ZNG1C: variants seen among roughly 807,000 people sequenced by gnomAD.
The protein encoded by ZNG1C is zinc-regulated GTPase metalloprotein activator 1C.
the ZNG1C span, among the ~76,000 whole-genome samples, chr9:68,296,649 G>C: frequency 5.9e-5 from 9 of 152,118 alleles, no homozygotes; most frequent in Admixed American, 5.9e-4. Flanking sequence ...ATGTGCTTTA[G>C]TATATTATTT....
At chr9:68,287,665 A>G in the ZNG1C span, among the ~76,000 whole-genome samples, 2 of 152,298 alleles carry the variant, frequency 1.3e-5, no homozygotes, top group Admixed American at 6.5e-5. Flanking sequence ...AATTCCAGAC[A>G]TTATGTCACT....
the ZNG1C span, among the ~76,000 whole-genome samples, chr9:68,285,011 T>G: frequency 4.6e-5 from 7 of 150,876 alleles, no homozygotes; most frequent in Non-Finnish European, 8.9e-5. Flanking sequence ...TTTTCTAAAG[T>G]AATCTCATTC....
At chr9:68,270,611 C>T in the ZNG1C span, 3 of 985,128 alleles carry the variant, frequency 3.0e-6, no homozygotes, top group African/African-American at 1.8e-5. Context: ...GGGCTGGGCA[C>T]GGTGGCTCAC....
the ZNG1C span, chr9:68,249,176 A>G: frequency 2.1e-6 from 1 of 481,136 alleles, no homozygotes; most frequent in Non-Finnish European, 3.8e-6. Flanking sequence ...AAAAATAAGG[A>G]CATGTAGGAA....
chr9:68,266,735 C>G, the ZNG1C span, among the ~76,000 whole-genome samples: 9 of 141,182 alleles, frequency 6.4e-5, no homozygotes, highest in Non-Finnish European at 1.2e-4. Context: ...TTAATTTATT[C>G]TATAGAGCCT....
At chr9:68,296,661 C>A in the ZNG1C span, among the ~76,000 whole-genome samples, 1 of 152,046 alleles carries the variant, frequency 6.6e-6, no homozygotes. Context: ...ATATTATTTT[C>A]TACCTTTTTA....
At chr9:68,265,055 T>A in the ZNG1C span, among the ~76,000 whole-genome samples, 2 of 106,140 alleles carry the variant, frequency 1.9e-5, no homozygotes, top group African/African-American at 3.6e-5. Flanking sequence ...TTATTTTATT[T>A]TATTTTATTT....
chr9:68,275,408 C>G, the ZNG1C span, among the ~76,000 whole-genome samples: 2 of 150,140 alleles, frequency 1.3e-5, no homozygotes, highest in East Asian at 4.1e-4. Context: ...ATGTGCCATG[C>G]TGGTGTGCTA....
chr9:68,264,734 C>G, the ZNG1C span, among the ~76,000 whole-genome samples: 1 of 18,596 alleles, frequency 5.4e-5, no homozygotes, highest in Non-Finnish European at 1.2e-4. Flanking sequence ...GAATGCTGAA[C>G]ACAGGAGTTC....
chr9:68,268,101 AAAG>A, the ZNG1C span, among the ~76,000 whole-genome samples: 17 of 114,756 alleles, frequency 1.5e-4, no homozygotes, highest in Admixed American at 5.4e-4. Flanking sequence ...TGTATTCAAA[AAAG>A]AAGATTTAAG....
At chr9:68,288,520 T>C in the ZNG1C span, among the ~76,000 whole-genome samples, 1 of 151,644 alleles carries the variant, frequency 6.6e-6, no homozygotes, top group African/African-American at 2.4e-5. Context: ...TCACCCAGGC[T>C]GGAGTGCAGT....
the ZNG1C span, among the ~76,000 whole-genome samples, chr9:68,256,609 G>T: frequency 8.6e-6 from 1 of 116,586 alleles, no homozygotes; most frequent in African/African-American, 3.3e-5. Context: ...TGCTCAAATT[G>T]TTTGATAATA....
chr9:68,282,815 T>C, the ZNG1C span, among the ~76,000 whole-genome samples: 1 of 56,768 alleles, frequency 1.8e-5, no homozygotes, highest in African/African-American at 5.6e-5. Context: ...AGTACCTTTT[T>C]AGACTAAACA....
chr9:68,292,019 AC>A, the ZNG1C span, among the ~76,000 whole-genome samples: 13 of 151,198 alleles, frequency 8.6e-5, no homozygotes, highest in East Asian at 2.6e-3. Flanking sequence ...TGTGCAGACT[AC>A]CCCCCAGTAC....
At chr9:68,255,249 A>G in the ZNG1C span, among the ~76,000 whole-genome samples, 1 of 117,658 alleles carries the variant, frequency 8.5e-6, no homozygotes, top group Non-Finnish European at 1.7e-5. Context: ...AGCACAAATA[A>G]CATTTTGGGT....
chr9:68,255,984 A>G, the ZNG1C span, among the ~76,000 whole-genome samples: 1 of 152,262 alleles, frequency 6.6e-6, no homozygotes, highest in African/African-American at 2.4e-5. Context: ...AAAAATCAAT[A>G]GGTATCAGGA....
the ZNG1C span, among the ~76,000 whole-genome samples, chr9:68,294,152 A>G: frequency 2.9e-3 from 432 of 148,548 alleles, 2 homozygotes; most frequent in African/African-American, 0.01. Flanking sequence ...GACACAACCT[A>G]TCAACCTCTG....
the ZNG1C span, chr9:68,299,269 T>G: frequency 6.7e-7 from 1 of 1,490,372 alleles, no homozygotes; most frequent in Non-Finnish European, 8.9e-7. Context: ...TTAGGACTTT[T>G]GTTCTTCTTC....
chr9:68,285,337 C>G, the ZNG1C span: 1 of 140,810 alleles, frequency 7.1e-6, no homozygotes, highest in Non-Finnish European at 1.6e-5. Context: ...CTTTCCCCCT[C>G]CCGTCCTGTC....
Sources: allele counts gnomAD v4.1 joint callset (sites outside exome capture counted in the v4.1 genomes callset), GRCh38; gene constraint gnomAD v4.1.1; transcripts MANE v1.5; gene names NCBI Gene and HGNC (gene_info 2026-07-23, HGNC 2026-07-21).